Variants in PTCHD4 observed in about 807,000 individuals in gnomAD.
PTCHD4 encodes patched domain containing 4.
Under a neutral mutation model 58.1 loss-of-function variants are expected in PTCHD4, and 33 were observed. The observed-to-expected ratio is 0.57, with a 90% confidence interval of 0.43 to 0.76. The LOEUF (loss-of-function observed/expected upper bound fraction) is 0.76, where lower values mean the gene tolerates loss of function less well. Among genes scored for constraint, PTCHD4 ranks in the 30% least tolerant of loss-of-function variants. The pLI, the probability that PTCHD4 is intolerant of heterozygous loss-of-function variation, is 0.00. For synonymous variants in PTCHD4, 478 were observed against 409.6 expected, an observed-to-expected ratio of 1.17 and a Z score of -2.02; for missense variants, 1,058 against 1,027.1, an observed-to-expected ratio of 1.03 and a Z score of -0.41.
At chr6:47,929,498 A>G (rs891663927) in intron 4 of PTCHD4, among the ~76,000 whole-genome samples, 2 of 152,238 alleles carry the variant, frequency 1.3e-5, no homozygotes, top group African/African-American at 2.4e-5. Flanking sequence ...GATGCTGCCT[A>G]TTTTGAAGAG....
At chr6:48,061,957 G>A (rs1221408912) in intron 3 of PTCHD4, among the ~76,000 whole-genome samples, 1 of 152,030 alleles carries the variant, frequency 6.6e-6, no homozygotes, top group African/African-American at 2.4e-5. Context: ...AAAACTAGGA[G>A]GTTGGAATTT....
rs1487322057 is a variant in PTCHD4, at chr6:48,069,936, A to G, written c.-969-10T>C. ...CACCAGGTAGTTTTGCCTGAAAAAA[A>G]AGAGAGTCGGGTGGGTAGAGGGAAA... On this transcript the variant is annotated splice_polypyrimidine_tract_variant and intron_variant, in intron 1 of 4. Coordinates refer to ENST00000339488, the MANE Select transcript of PTCHD4 (RefSeq NM_001384253.1). Among the ~76,000 whole-genome samples, 1 of 152,088 alleles carries G rather than the reference A, an allele frequency of 6.6e-6. No individual in the cohort carries two copies. The highest frequency in any genetic ancestry group is 2.1e-4 in the South Asian group (1 of 4,814).
intron 4 of PTCHD4, among the ~76,000 whole-genome samples, chr6:47,957,270 A>ATT (rs1456245043): frequency 1.4e-5 from 2 of 148,060 alleles, no homozygotes; most frequent in African/African-American, 2.4e-5. Flanking sequence ...TAATATATAT[A>ATT]TTATATATAT....
rs964279898 is a variant in PTCHD4 at position 47,860,494 on chromosome 6, G to C, written c.*17809C>G. 1.3e-5 allele frequency among the ~76,000 whole-genome samples: 2 copies of C among 152,004 alleles called. No homozygotes were observed. Among genetic ancestry groups the C allele is most frequent in the African/African-American group, 4.8e-5 (2 of 41,422 alleles). On this transcript the variant is annotated 3_prime_UTR_variant, in exon 5 of 5. Transcript: ENST00000339488. ...CTACATCATTGCTTATCCCAACTTA[G>C]AGCTTATACCTATACATCTGTAGAT...
At chr6:48,060,301 A>G (rs1764575855) in intron 3 of PTCHD4, among the ~76,000 whole-genome samples, 2 of 152,206 alleles carry the variant, frequency 1.3e-5, no homozygotes, top group African/African-American at 2.4e-5. Flanking sequence ...GAGGTAAGAG[A>G]ACGGAGCTCA....
intron 1 of PTCHD4, among the ~76,000 whole-genome samples, 47 bp downstream of exon 1, chr6:48,111,000 TTC>T (rs1352482838): frequency 1.3e-5 from 2 of 151,990 alleles, no homozygotes; most frequent in Non-Finnish European, 2.9e-5. Flanking sequence ...TCTATATCCT[TTC>T]TCTGTCCTGC....
At chr6:48,107,734 G>A (rs1198328424) in intron 1 of PTCHD4, among the ~76,000 whole-genome samples, 5 of 151,926 alleles carry the variant, frequency 3.3e-5, no homozygotes, top group African/African-American at 1.2e-4. Context: ...AATCTACAAT[G>A]AACTCAAACA....
intron 4 of PTCHD4, among the ~76,000 whole-genome samples, chr6:47,918,249 C>T (rs1385522950): frequency 6.6e-6 from 1 of 151,830 alleles, no homozygotes; most frequent in Non-Finnish European, 1.5e-5. Flanking sequence ...ACAAGAATAG[C>T]TAAATCAATG....
chr6:48,082,353 A>G (rs1765183296), intron 1 of PTCHD4, among the ~76,000 whole-genome samples: 1 of 152,214 alleles, frequency 6.6e-6, no homozygotes, highest in Admixed American at 6.5e-5. Flanking sequence ...GGTCAAAAGA[A>G]GCAACCTTAG....
rs376306345 is a variant in PTCHD4 at position 48,094,351 on chromosome 6, G to A, written c.-970+16698C>T. ...GTAACGATGAGAAGAATCCACTTGA[G>A]GGAACTTGTTTGGAGAATTTTGGGA... On this transcript the variant is annotated intron_variant, in intron 1 of 4. Transcript: ENST00000339488. Among the ~76,000 whole-genome samples, 192 of 152,274 alleles carry A rather than the reference G, an allele frequency of 1.3e-3. 4 individuals carry two copies. In the South Asian group the frequency reaches 0.038, roughly 30 times the overall value.
intron 1 of PTCHD4, among the ~76,000 whole-genome samples, chr6:48,079,250 G>A (rs754969163): frequency 6.6e-6 from 1 of 152,068 alleles, no homozygotes; most frequent in African/African-American, 2.4e-5. Flanking sequence ...TATTAAGGAT[G>A]AGTTTCTCAT....
chr6:47,902,400 A>G (rs753302541), intron 4 of PTCHD4, among the ~76,000 whole-genome samples: 3 of 152,186 alleles, frequency 2.0e-5, no homozygotes, highest in Non-Finnish European at 4.4e-5. Context: ...AAAATAGGAA[A>G]TTTGGTATCT....
chr6:47,962,802 A>T (rs1767145308), intron 4 of PTCHD4, among the ~76,000 whole-genome samples: 1 of 152,004 alleles, frequency 6.6e-6, no homozygotes, highest in Admixed American at 6.6e-5. Context: ...TGGGCATCCA[A>T]AATATGTAAG....
intron 4 of PTCHD4, among the ~76,000 whole-genome samples, chr6:47,894,145 G>A (rs1004412887): frequency 6.6e-6 from 1 of 152,180 alleles, no homozygotes; most frequent in African/African-American, 2.4e-5. Flanking sequence ...AATGGCAGGA[G>A]CAGGAGTCAA....
chr6:48,104,792 G>A (rs1225408941), intron 1 of PTCHD4, among the ~76,000 whole-genome samples: 1 of 151,934 alleles, frequency 6.6e-6, no homozygotes, highest in Admixed American at 6.6e-5. Context: ...AAAAGGCAGG[G>A]GTTGCAATCC....
intron 1 of PTCHD4, among the ~76,000 whole-genome samples, chr6:48,100,536 A>G (rs550746943): frequency 2.6e-5 from 4 of 152,210 alleles, no homozygotes; most frequent in African/African-American, 7.2e-5. Flanking sequence ...AAAAAATGAA[A>G]AGAACTCTTT....
In PTCHD4 at chr6:48,030,778, G is replaced by T. The variant is rs535340112; in HGVS notation, c.418-21664C>A. On this transcript the variant is annotated intron_variant, in intron 3 of 4. Transcript: ENST00000339488. ...TGCAGTGATACCAACCAAACATCTA[G>T]AAATCTTCTCTACTGACTGCCCTCT... 5.9e-5 allele frequency among the ~76,000 whole-genome samples: 9 copies of T among 152,180 alleles called. No homozygotes were observed. The South Asian group carries it at 1.9e-3, about 32-fold the overall frequency.
At chr6:47,965,995 T>A (rs1561981937) in intron 4 of PTCHD4, among the ~76,000 whole-genome samples, 1 of 152,128 alleles carries the variant, frequency 6.6e-6, no homozygotes, top group Non-Finnish European at 1.5e-5. Flanking sequence ...CCATTTGATG[T>A]AAGTGCATTG....
At chr6:48,031,928 A>G (rs1327270814) in intron 3 of PTCHD4, among the ~76,000 whole-genome samples, 1 of 152,160 alleles carries the variant, frequency 6.6e-6, no homozygotes, top group African/African-American at 2.4e-5. Context: ...TTCGATGCCT[A>G]AAACACTGAA....
Sources: gnomAD v4.1 joint callset for allele counts (sites outside exome capture counted in the v4.1 genomes callset) on GRCh38, gnomAD v4.1.1 for gene constraint, MANE v1.5 for transcripts, NCBI Gene and HGNC (gene_info 2026-07-23, HGNC 2026-07-21) for gene names.